The following AQR variants were observed in gnomAD, a reference collection of about 807,000 sequenced individuals.
AQR encodes RNA helicase aquarius.
Under a neutral mutation model 180.5 loss-of-function variants are expected in AQR, and 61 were observed. That is an observed-to-expected ratio of 0.34 (90% confidence interval 0.28 to 0.42). The LOEUF is 0.42. Among genes scored for constraint, AQR ranks in the 10% least tolerant of loss-of-function variants. The pLI is 1.00. For missense variants in AQR, 1,281 were observed against 1,798.3 expected, an observed-to-expected ratio of 0.71 and a Z score of 5.20; for synonymous variants, 551 against 588.8, an observed-to-expected ratio of 0.94 and a Z score of 0.93.
chr15:34,946,697 G>C (rs1351463156), intron 5 of AQR, among the ~76,000 whole-genome samples: 1 of 138,622 alleles, frequency 7.2e-6, no homozygotes, highest in African/African-American at 2.7e-5. Context: ...GCCCGTCCGG[G>C]AGGGAGGTGG....
chr15:34,918,491 ATTTT>A, intron 14 of AQR, 113 bp from the exon 15 acceptor site: 1 of 1,258,796 alleles, frequency 7.9e-7, no homozygotes, highest in Non-Finnish European at 1.1e-6. Flanking sequence ...TCAACAAGCG[ATTTT>A]TTTTTCTTTT....
At chr15:34,943,111 T>C (rs1894052002) in intron 6 of AQR, 2 of 1,611,746 alleles carry the variant, frequency 1.2e-6, no homozygotes, top group Admixed American at 1.7e-5. Context: ...CGCCGGACTT[T>C]CTGTAAGAAG....
chr15:34,927,337 GT>G (rs1893780044), intron 12 of AQR, among the ~76,000 whole-genome samples, 199 bp from the exon 13 acceptor site: 2 of 152,114 alleles, frequency 1.3e-5, no homozygotes, highest in Admixed American at 1.3e-4. Flanking sequence ...TAACAGAAAT[GT>G]AAAAAACATA....
intron 8 of AQR, among the ~76,000 whole-genome samples, chr15:34,939,081 G>T (rs368723850): frequency 0.018 from 2,674 of 151,588 alleles, 65 homozygotes; most frequent in African/African-American, 0.056. Flanking sequence ...TGCTTTTTTT[G>T]TTTTTGAGGT....
At chr15:34,930,497 C>T in intron 11 of AQR, 126 bp from the exon 12 acceptor site, 1 of 558,676 alleles carries the variant, frequency 1.8e-6, no homozygotes, top group Middle Eastern at 3.4e-4. Context: ...GGAATGTAAA[C>T]ATTACAAAAA....
intron 6 of AQR, chr15:34,943,470 AAT>A: frequency 2.0e-6 from 1 of 505,806 alleles, no homozygotes; most frequent in Non-Finnish European, 3.1e-6. Flanking sequence ...TAAATAAATA[AAT>A]AAATAAATAA....
intron 29 of AQR, 112 bp downstream of exon 29, chr15:34,874,565 G>C: frequency 6.8e-6 from 9 of 1,328,298 alleles, no homozygotes; most frequent in Non-Finnish European, 9.3e-6. Context: ...GGATAGCCAA[G>C]TTCCTGGATA....
intron 2 of AQR, among the ~76,000 whole-genome samples, chr15:34,961,713 T>C (rs965374305): frequency 6.7e-6 from 1 of 148,458 alleles, no homozygotes; most frequent in Non-Finnish European, 1.5e-5. Flanking sequence ...ATTGGAAGAC[T>C]GGTTCAAAAC....
intron 19 of AQR, among the ~76,000 whole-genome samples, chr15:34,902,763 AC>A (rs1318121615): frequency 6.6e-6 from 1 of 152,126 alleles, no homozygotes; most frequent in East Asian, 1.9e-4. Flanking sequence ...AGTCAAAGGT[AC>A]TATAAAACTT....
chr15:34,946,430 T>TC, intron 5 of AQR, among the ~76,000 whole-genome samples: 1 of 98,262 alleles, frequency 1.0e-5, no homozygotes, highest in East Asian at 3.4e-4. Flanking sequence ...GGGAGGGAGG[T>TC]GGGGGGGGTC....
intron 3 of AQR, among the ~76,000 whole-genome samples, chr15:34,957,431 G>T (rs1255786388): frequency 1.3e-5 from 2 of 152,064 alleles, no homozygotes; most frequent in Non-Finnish European, 2.9e-5. Context: ...TGTAGGCCAG[G>T]CGTGGTGGCT....
rs1403862217 is a variant in AQR, at chr15:34,918,381, A to G, written c.1222-3T>C. 1 of 1,611,710 alleles carries G rather than the reference A, an allele frequency of 6.2e-7. No homozygotes were observed. The highest frequency in any genetic ancestry group is 1.3e-5 in the African/African-American group (1 of 74,788). ...ATTCGACGTTCATGACGAGATACCT[A>G]AAATAAAGGAAACAAGTTCATGCAG... On this transcript the variant is annotated splice_polypyrimidine_tract_variant and splice_region_variant and intron_variant, in intron 14 of 34. Coordinates refer to ENST00000156471, the MANE Select transcript of AQR (RefSeq NM_014691.3).
intron 32 of AQR, 145 bp from the exon 33 acceptor site, chr15:34,863,186 A>C: frequency 4.1e-6 from 3 of 730,160 alleles, no homozygotes; most frequent in Non-Finnish European, 6.4e-6. Context: ...ATAGAAGTTA[A>C]TCAATGTTAC....
rs1333004590 is a variant in AQR at position 34,884,430 on chromosome 15, A to G, written c.3027+95T>C. The G allele has an allele frequency of 6.9e-6, 8 of 1,164,332 alleles. No individual in the cohort carries two copies. The East Asian group carries it at 1.6e-4, about 23-fold the overall frequency. The allele number at this position is 1,164,332 out of a possible 1,614,324, so 72.1% of individuals were successfully genotyped here. ...CAAAAAAAAACAAAAAAACAAAAAA[A>G]CAAAAGATTTGAATATTTCACATTT... On this transcript the variant is annotated intron_variant, in intron 26 of 34. Coordinates refer to ENST00000156471, the MANE Select transcript of AQR (RefSeq NM_014691.3).
At chr15:34,922,633 G>A (rs1221246756) in intron 13 of AQR, among the ~76,000 whole-genome samples, 8 of 151,718 alleles carry the variant, frequency 5.3e-5, no homozygotes, top group Admixed American at 3.9e-4. Flanking sequence ...AGCTCACTGC[G>A]GCCTCGATCT....
chr15:34,944,080 T>C (rs1319908405), intron 6 of AQR, among the ~76,000 whole-genome samples: 1 of 152,214 alleles, frequency 6.6e-6, no homozygotes, highest in African/African-American at 2.4e-5. Context: ...TTCAAATCTA[T>C]TAAAAAGTGA....
chr15:34,941,972 T>C (rs1464667453), intron 7 of AQR, 40 bp downstream of exon 7: 5 of 1,518,186 alleles, frequency 3.3e-6, no homozygotes, highest in South Asian at 1.2e-5. Flanking sequence ...GTTCTACTTA[T>C]AACACATACA....
Position 34,855,616 on chromosome 15 carries a change from T to C in AQR, c.*1176A>G, listed in dbSNP as rs944794900. 6.6e-6 allele frequency: 1 copy of C among 151,804 alleles called. No homozygotes were observed. The highest frequency in any genetic ancestry group is 2.4e-5 in the African/African-American group (1 of 41,288). 9.4% of individuals were successfully genotyped at this position (151,804 alleles called of 1,614,324 possible). A position where few individuals can be genotyped will look rare whatever the true frequency, so the allele number is the denominator to read the frequency against. On this transcript the variant is annotated 3_prime_UTR_variant, in exon 35 of 35. Coordinates refer to ENST00000156471, the MANE Select transcript of AQR (RefSeq NM_014691.3). ...CCCTTGTCAGAAAACATTAGTCACATTCACTGGTAATTCTACATTATAGCC... is the reference window on the plus strand; with the variant it reads ...CCCTTGTCAGAAAACATTAGTCACACTCACTGGTAATTCTACATTATAGCC...
chr15:34,858,070 G>A (rs1018224667), intron 34 of AQR, among the ~76,000 whole-genome samples: 1 of 151,998 alleles, frequency 6.6e-6, no homozygotes, highest in Non-Finnish European at 1.5e-5. Flanking sequence ...TGCAACCTCC[G>A]TCTCCCAGGT....
Sources: allele counts gnomAD v4.1 joint callset (sites outside exome capture counted in the v4.1 genomes callset), GRCh38; gene constraint gnomAD v4.1.1; transcripts MANE v1.5; gene names NCBI Gene and HGNC (gene_info 2026-07-23, HGNC 2026-07-21).